The following LTBP1 variants were observed in gnomAD, a reference collection of about 807,000 sequenced individuals.
The protein encoded by LTBP1 is latent-transforming growth factor beta-binding protein 1.
LTBP1 carries 129 observed loss-of-function variants against 207.6 expected under a neutral mutation model. The observed-to-expected ratio is 0.62, with a 90% CI of 0.54 to 0.72. The LOEUF (loss-of-function observed/expected upper bound fraction) is 0.72, where lower values mean the gene tolerates loss of function less well. Ranked by LOEUF, LTBP1 falls within the 30% of genes least tolerant of loss-of-function variation. LTBP1 has a pLI of 0.00. For missense variants in LTBP1, 2,281 were observed against 2,217.2 expected (o/e 1.03, Z -0.58); for synonymous variants, 963 against 833.7 (o/e 1.16, Z -2.67).
chr2:33,188,532 G>C (rs1159548541), intron 6 of LTBP1, 45 bp from the exon 7 acceptor site: 2 of 1,495,394 alleles, frequency 1.3e-6, no homozygotes, highest in Admixed American at 1.9e-5. Flanking sequence ...TGATTTGCCT[G>C]TTAGTTATTC....
intron 5 of LTBP1, among the ~76,000 whole-genome samples, chr2:33,164,352 GAAAAAAAA>G (rs56916166): frequency 3.9e-4 from 11 of 28,262 alleles, no homozygotes; most frequent in Non-Finnish European, 8.3e-4. Context: ...TTCCTCTCAG[GAAAAAAAA>G]AAAAAAAAAA....
At chr2:33,327,384 AT>A (rs568081531) in intron 24 of LTBP1, among the ~76,000 whole-genome samples, 325 of 152,152 alleles carry the variant, frequency 2.1e-3, no homozygotes, top group Middle Eastern at 6.8e-3. Flanking sequence ...TAAGAAAACG[AT>A]TTTTTTTAAT....
intron 9 of LTBP1, among the ~76,000 whole-genome samples, chr2:33,236,723 T>G (rs1218085024): frequency 6.6e-6 from 1 of 152,240 alleles, no homozygotes; most frequent in African/African-American, 2.4e-5. Flanking sequence ...AAGCCCATGA[T>G]GGATTCATGT....
chr2:33,176,164 A>G (rs1402929158), intron 5 of LTBP1, among the ~76,000 whole-genome samples: 1 of 150,968 alleles, frequency 6.6e-6, no homozygotes, highest in Non-Finnish European at 1.5e-5. Context: ...ATAATAATAA[A>G]ATAAAAAAAT....
chr2:33,297,945 C>T (rs2093912662), intron 20 of LTBP1, among the ~76,000 whole-genome samples: 1 of 152,122 alleles, frequency 6.6e-6, no homozygotes. Context: ...TGTAGCTTTT[C>T]CCCACTCTGG....
intron 7 of LTBP1, among the ~76,000 whole-genome samples, chr2:33,211,944 C>T (rs1242494815): frequency 6.6e-6 from 1 of 152,136 alleles, no homozygotes; most frequent in Non-Finnish European, 1.5e-5. Flanking sequence ...TACAGTATTA[C>T]CTCAAAAATG....
chr2:33,043,097 C>T (rs78956264), intron 3 of LTBP1, among the ~76,000 whole-genome samples: 5,897 of 152,304 alleles, frequency 0.039, 194 homozygotes, highest in Non-Finnish European at 0.066. Flanking sequence ...CGGCTGTGAA[C>T]CGCTGTTCTA....
intron 5 of LTBP1, among the ~76,000 whole-genome samples, chr2:33,180,649 G>A (rs1394740335): frequency 6.6e-6 from 1 of 151,910 alleles, no homozygotes; most frequent in East Asian, 1.9e-4. Flanking sequence ...AGAGACGGGG[G>A]TATGCCTTGT....
chr2:33,275,575 T>G (rs540518553), intron 17 of LTBP1, among the ~76,000 whole-genome samples: 1 of 152,010 alleles, frequency 6.6e-6, no homozygotes, highest in East Asian at 1.9e-4. Flanking sequence ...TCCCAGCTAC[T>G]TGGGAGGCTG....
At chr2:32,968,273 G>A (rs777583859) in intron 2 of LTBP1, among the ~76,000 whole-genome samples, 4 of 152,108 alleles carry the variant, frequency 2.6e-5, no homozygotes, top group African/African-American at 7.2e-5. Context: ...ATTATCTATC[G>A]GTTTTTGCCT....
At chr2:33,252,376 TG>T (rs201480618) in intron 10 of LTBP1, among the ~76,000 whole-genome samples, 2,941 of 152,242 alleles carry the variant, frequency 0.019, 43 homozygotes, top group Middle Eastern at 0.1. Flanking sequence ...TTTGGAAAGG[TG>T]GGTTTTTGTT....
Position 33,151,248 on chromosome 2 carries a change from T to G in LTBP1, c.1201+16288T>G, listed in dbSNP as rs191267048. Among the ~76,000 whole-genome samples, 212 of 152,308 alleles carry G rather than the reference T, an allele frequency of 1.4e-3. 1 individual carries two copies. Among genetic ancestry groups the G allele is most frequent in the African/African-American group, 4.7e-3 (197 of 41,574 alleles). On this transcript the variant is annotated intron_variant, in intron 5 of 33. Coordinates refer to ENST00000404816, the MANE Select transcript of LTBP1 (RefSeq NM_206943.4). ...TATCTGTTTGAGTTCCTGCTTTGAA[T>G]TTTTTGGTGCATATACCTAGAAGTG...
intron 26 of LTBP1, 51 bp from the exon 27 acceptor site, chr2:33,360,546 A>T: frequency 8.4e-7 from 1 of 1,191,248 alleles, no homozygotes; most frequent in Non-Finnish European, 1.2e-6. Flanking sequence ...TTGTTGTCTT[A>T]GGTAGTTCTG....
At chr2:33,058,387 C>G (rs1016840104) in intron 3 of LTBP1, among the ~76,000 whole-genome samples, 2 of 152,144 alleles carry the variant, frequency 1.3e-5, no homozygotes, top group Non-Finnish European at 2.9e-5. Context: ...AGATGAGAAG[C>G]TAAAGCTTCC....
At position 33,139,093 on chromosome 2, in the gene LTBP1, C is replaced by T. The variant is rs540928603; in HGVS notation, c.1201+4133C>T. 9.9e-5 allele frequency among the ~76,000 whole-genome samples: 15 copies of T among 151,930 alleles called. No individual in the cohort carries two copies. In the South Asian group the frequency reaches 1.2e-3, roughly 13 times the overall value. On this transcript the variant is annotated intron_variant, in intron 5 of 33. Coordinates refer to ENST00000404816, the MANE Select transcript of LTBP1 (RefSeq NM_206943.4). ...CAGGATGGTCTCCATCTCCTGACCTCGTGATCCGCCCGCCTCGGCCTCCCA... is the reference window on the plus strand; with the variant it reads ...CAGGATGGTCTCCATCTCCTGACCTTGTGATCCGCCCGCCTCGGCCTCCCA...
chr2:33,230,062 T>G lies in LTBP1; in HGVS notation c.1876+7911T>G, dbSNP rs533290297. On this transcript the variant is annotated intron_variant, in intron 9 of 33. Transcript: ENST00000404816. ...TGAAATCGAACTTGCTCACATTACA[T>G]ATGTACATTCAGTTTTCCTAGAACC... Among the ~76,000 whole-genome samples the G allele has an allele frequency of 1.1e-4, 16 of 152,328 alleles. No individual in the cohort carries two copies. The East Asian group carries it at 3.1e-3, about 29-fold the overall frequency.
At chr2:33,009,180 T>C (rs1477563100) in intron 2 of LTBP1, among the ~76,000 whole-genome samples, 1 of 151,848 alleles carries the variant, frequency 6.6e-6, no homozygotes, top group African/African-American at 2.4e-5. Context: ...GGGAGAAGGG[T>C]TTGCGGGGAG....
chr2:33,245,214 T>A (rs1419505254), intron 10 of LTBP1, among the ~76,000 whole-genome samples: 1 of 152,218 alleles, frequency 6.6e-6, no homozygotes, highest in Non-Finnish European at 1.5e-5. Flanking sequence ...CTTTGGTATA[T>A]AATGAGCTGC....
At chr2:33,361,677 C>G (rs1310187606) in intron 28 of LTBP1, among the ~76,000 whole-genome samples, 162 bp downstream of exon 28, 1 of 152,172 alleles carries the variant, frequency 6.6e-6, no homozygotes, top group Non-Finnish European at 1.5e-5. Context: ...CATGGACTTG[C>G]AGTCAGAACA....
Sources: gnomAD v4.1 joint callset for allele counts (sites outside exome capture counted in the v4.1 genomes callset) on GRCh38, gnomAD v4.1.1 for gene constraint, MANE v1.5 for transcripts, NCBI Gene and HGNC (gene_info 2026-07-23, HGNC 2026-07-21) for gene names.